TRMO: variants seen among roughly 807,000 people sequenced by gnomAD.
The protein encoded by TRMO is tRNA methyltransferase O.
Under a neutral mutation model 37.2 loss-of-function variants are expected in TRMO, and 30 were observed. That is an observed-to-expected ratio of 0.81 (90% CI 0.60 to 1.09). The LOEUF (loss-of-function observed/expected upper bound fraction) is 1.09. Among genes scored for constraint, TRMO ranks in the 50% least tolerant of loss-of-function variants. TRMO has a pLI of 0.00. For missense variants in TRMO, 552 were observed against 549.5 expected, an observed-to-expected ratio of 1.00 and a Z score of -0.05; for synonymous variants, 239 against 199.4, an observed-to-expected ratio of 1.20 and a Z score of -1.67.
At position 97,922,398 on chromosome 9, in the gene TRMO, C is replaced by T. The variant is rs771207689; in HGVS notation, c.76+20G>A. On this transcript the variant is annotated intron_variant, in intron 1 of 4. Coordinates refer to ENST00000375119, the MANE Select transcript of TRMO (RefSeq NM_016481.5). ...GCCTAAACCTCTCCAGAGTGTGGCA[C>T]CGCCGGTGTTGGAAGTTACCTGTCT... The T allele has an allele frequency of 1.3e-6, 2 of 1,520,434 alleles. No individual in the cohort carries two copies. The highest frequency in any genetic ancestry group is 1.2e-5 in the South Asian group (1 of 84,488). The allele number at this position is 1,520,434 out of a possible 1,614,324, so 94.2% of individuals were successfully genotyped here.
downstream of TRMO, among the ~76,000 whole-genome samples, chr9:97,904,282 T>C (rs970641302): frequency 4.6e-5 from 7 of 152,280 alleles, no homozygotes; most frequent in Admixed American, 6.5e-5. Flanking sequence ...TCAAAAACTA[T>C]CTCTACTTGT....
At chr9:97,899,652 G>A (rs530553904), downstream of TRMO, among the ~76,000 whole-genome samples, 39 of 152,206 alleles carry the variant, frequency 2.6e-4, no homozygotes, top group African/African-American at 8.7e-4. Flanking sequence ...TTAGGAGGCC[G>A]AGGCAGGCAG....
intron 4 of TRMO, among the ~76,000 whole-genome samples, chr9:97,907,168 G>A (rs551709128): frequency 6.6e-6 from 1 of 152,382 alleles, no homozygotes; most frequent in South Asian, 2.1e-4. Flanking sequence ...ATGACCACGA[G>A]ACTGCCGTGT....
At chr9:97,898,838 CT>C in the TRMO span, among the ~76,000 whole-genome samples, 50 of 89,062 alleles carry the variant, frequency 5.6e-4, 1 homozygote, top group Admixed American at 1.4e-3. Flanking sequence ...TATATATATA[CT>C]TTTTTTTTTT....
intron 1 of TRMO, among the ~76,000 whole-genome samples, chr9:97,919,387 A>T (rs1387128193): frequency 6.6e-6 from 1 of 151,996 alleles, no homozygotes; most frequent in Non-Finnish European, 1.5e-5. Flanking sequence ...GAAAGAAAAG[A>T]AAAGAAAAGA....
chr9:97,910,044 A>AG lies in TRMO; in HGVS notation c.981dup (p.Trp328LeufsTer36). On this transcript the variant is annotated frameshift_variant, in exon 4 of 5. Transcript: ENST00000375119. LOFTEE classifies it high-confidence loss of function. The stretch of plus-strand genomic sequence containing the variant: ...GTGGCCACAGGAGCCTCTGTCACCC[A>AG]GGCAGGAACCACGCTGCGGGGAGCT... The AG allele has an allele frequency of 6.2e-7, 1 of 1,610,484 alleles. No homozygotes were observed. Among genetic ancestry groups the AG allele is most frequent in the Non-Finnish European group, 8.5e-7 (1 of 1,177,524 alleles).
intron 4 of TRMO, 48 bp downstream of exon 4, chr9:97,909,912 T>C: frequency 7.1e-7 from 1 of 1,417,984 alleles, no homozygotes; most frequent in Non-Finnish European, 9.6e-7. Flanking sequence ...TGGCTAAATC[T>C]CAAAGTAAAA....
intron 4 of TRMO, 76 bp downstream of exon 4, chr9:97,909,884 C>T: frequency 8.9e-7 from 1 of 1,124,702 alleles, no homozygotes; most frequent in Non-Finnish European, 1.3e-6. Context: ...ACATACCTGC[C>T]TTCACAAATA....
At chr9:97,896,863 C>T in the TRMO span, among the ~76,000 whole-genome samples, 2 of 152,150 alleles carry the variant, frequency 1.3e-5, no homozygotes, top group Non-Finnish European at 2.9e-5. Context: ...AGTTTGAGTT[C>T]TAGACATTTT....
chr9:97,921,314 G>C (rs1826618305), intron 1 of TRMO, among the ~76,000 whole-genome samples: 2 of 152,172 alleles, frequency 1.3e-5, no homozygotes, highest in Admixed American at 1.3e-4. Context: ...CCAAAACTTT[G>C]GGAGGCTAAG....
intron 2 of TRMO, among the ~76,000 whole-genome samples, chr9:97,913,765 T>G (rs929203651): frequency 6.6e-6 from 1 of 152,190 alleles, no homozygotes; most frequent in Admixed American, 6.5e-5. Flanking sequence ...TCCACATCCT[T>G]TGCAGCTAAC....
intron 4 of TRMO, among the ~76,000 whole-genome samples, chr9:97,907,904 G>A (rs1825923738): frequency 6.6e-6 from 1 of 152,046 alleles, no homozygotes; most frequent in Non-Finnish European, 1.5e-5. Context: ...CCTTTCTCTG[G>A]ACAGGCTGGC....
the TRMO span, among the ~76,000 whole-genome samples, chr9:97,898,666 G>C: frequency 2.3e-4 from 35 of 151,840 alleles, no homozygotes; most frequent in Non-Finnish European, 4.4e-4. Context: ...AGGATTACAA[G>C]CATGAGCTGC....
chr9:97,908,519 G>T (rs1825967704), intron 4 of TRMO, among the ~76,000 whole-genome samples: 1 of 152,102 alleles, frequency 6.6e-6, no homozygotes, highest in African/African-American at 2.4e-5. Context: ...AGCCCGGAAG[G>T]CTGAGGCTGC....
chr9:97,908,887 A>G (rs1825981409), intron 4 of TRMO, among the ~76,000 whole-genome samples: 1 of 152,262 alleles, frequency 6.6e-6, no homozygotes, highest in African/African-American at 2.4e-5. Flanking sequence ...CCCTCTTTAT[A>G]TGGTTATGCT....
At chr9:97,913,056 GA>G in intron 3 of TRMO, 1 of 606,338 alleles carries the variant, frequency 1.6e-6, no homozygotes, top group South Asian at 1.6e-5. Flanking sequence ...TGTTAAATTG[GA>G]AAGTGTCCAT....
At chr9:97,897,490 A>G in the TRMO span, among the ~76,000 whole-genome samples, 1 of 152,232 alleles carries the variant, frequency 6.6e-6, no homozygotes, top group South Asian at 2.1e-4. Context: ...GTAGTGCCAA[A>G]ACAGGCTGTG....
At chr9:97,912,678 G>A (rs899023338) in intron 3 of TRMO, 7 of 295,368 alleles carry the variant, frequency 2.4e-5, no homozygotes, top group Non-Finnish European at 3.4e-5. Context: ...GAGGAAGCAG[G>A]TCCTTCTCCT....
At chr9:97,911,009 C>G (rs1007694156) in intron 3 of TRMO, 2 of 467,792 alleles carry the variant, frequency 4.3e-6, no homozygotes, top group Non-Finnish European at 8.5e-6. Flanking sequence ...CAGGCTGGGA[C>G]CAACTCATCT....
Sources: allele counts gnomAD v4.1 joint callset (sites outside exome capture counted in the v4.1 genomes callset), GRCh38; gene constraint gnomAD v4.1.1; transcripts MANE v1.5; gene names NCBI Gene and HGNC (gene_info 2026-07-23, HGNC 2026-07-21).